The following CELSR1 variants were observed in gnomAD, a reference collection of about 807,000 sequenced individuals.
CELSR1 encodes the protein cadherin EGF LAG seven-pass G-type receptor 1.
A neutral mutation model predicts 249.1 loss-of-function variants in CELSR1; 110 were observed. The observed-to-expected ratio is 0.44, with a 90% CI of 0.38 to 0.52. The LOEUF (loss-of-function observed/expected upper bound fraction) is 0.52. Among genes scored for constraint, CELSR1 ranks in the 20% least tolerant of loss-of-function variants. The pLI is 0.00. For synonymous variants in CELSR1, 2,113 were observed against 1,900.0 expected (o/e 1.11, Z -2.92); for missense variants, 4,109 against 4,296.4 (o/e 0.96, Z 1.22).
rs867502002 is a variant in CELSR1, at chr22:46,437,867, C to T, written c.4406+1322G>A. Among the ~76,000 whole-genome samples the T allele has an allele frequency of 6.6e-6, 1 of 152,264 alleles. No individual in the cohort carries two copies. Among genetic ancestry groups the T allele is most frequent in the South Asian group, 2.1e-4 (1 of 4,824 alleles). On this transcript the variant is annotated intron_variant, in intron 3 of 34. Coordinates refer to ENST00000674500, the MANE Select transcript of CELSR1 (RefSeq NM_001378328.1). This position sits in a 1 kb window ranked among gnomAD's most constrained non-coding sequence, Gnocchi z 4.9. ...AGAATACCCACACAGCACACTGATG[C>T]TTGGGCAGGGAATGAGCAGGGAGAA...
intron 2 of CELSR1, among the ~76,000 whole-genome samples, chr22:46,456,661 T>TAAAAA (rs556357746): frequency 2.0e-4 from 12 of 60,280 alleles, no homozygotes; most frequent in African/African-American, 6.4e-4. Context: ...AGACTCTGTC[T>TAAAAA]AAAAAAAAAA....
At chr22:46,419,924 C>T (rs763161966) in intron 5 of CELSR1, among the ~76,000 whole-genome samples, 3 of 152,054 alleles carry the variant, frequency 2.0e-5, no homozygotes, top group Middle Eastern at 3.4e-3. Context: ...TACGCTCACA[C>T]GTACACTTAC....
chr22:46,444,683 C>A (rs1194777306), intron 2 of CELSR1, among the ~76,000 whole-genome samples: 1 of 152,160 alleles, frequency 6.6e-6, no homozygotes, highest in Non-Finnish European at 1.5e-5. Flanking sequence ...ACAGATGACC[C>A]CAAACTGGAG....
Position 46,534,005 on chromosome 22 carries a change from G to C in CELSR1, c.3166C>G (p.Leu1056Val). 6.2e-7 allele frequency: 1 copy of C among 1,613,672 alleles called. No individual in the cohort carries two copies. Reference sequence around the variant, plus strand: ...AAGTCCAGCTCCACCATGGCACGCAGGTCCCCGTTGAGCAGGTCCAGCTGG... The same window carrying C: ...AAGTCCAGCTCCACCATGGCACGCACGTCCCCGTTGAGCAGGTCCAGCTGG... ...FFQLDLLNGD[L>V]RAMVELDFEV... is the part of the protein sequence containing the mutation. Residue 1056 changes from leucine to valine, a missense_variant, in exon 1 of 35, where the codon CTG (leucine) becomes GTG (valine). This residue lies in a region of CELSR1 where 886 missense variants were observed against 896.5 expected (regional missense o/e 0.99). Coordinates refer to ENST00000674500, the MANE Select transcript of CELSR1 (RefSeq NM_001378328.1). This position sits in a 1 kb window ranked among gnomAD's most constrained non-coding sequence, Gnocchi z 9.7.
chr22:46,465,005 C>A (rs1002047735), intron 1 of CELSR1, among the ~76,000 whole-genome samples: 1 of 152,222 alleles, frequency 6.6e-6, no homozygotes, highest in Non-Finnish European at 1.5e-5. Flanking sequence ...ACACAGCAGC[C>A]TCTCAGCCAG....
chr22:46,396,399 C>T lies in CELSR1; in HGVS notation c.5843+206G>A, dbSNP rs2079147621. On this transcript the variant is annotated intron_variant, in intron 13 of 34. Transcript: ENST00000674500. This position sits in a 1 kb window ranked among gnomAD's most constrained non-coding sequence, Gnocchi z 6.4. ...CTCCAGCCTGGGTGACAGAGCAAGACTCTGTCTCAAAAAAATAAAAATAAA... is the reference window on the plus strand; with the variant it reads ...CTCCAGCCTGGGTGACAGAGCAAGATTCTGTCTCAAAAAAATAAAAATAAA... 2.6e-5 allele frequency among the ~76,000 whole-genome samples: 4 copies of T among 151,888 alleles called. No homozygotes were observed. Among genetic ancestry groups the T allele is most frequent in the African/African-American group, 9.7e-5 (4 of 41,304 alleles).
At chr22:46,376,351 G>A (rs1411388227) in intron 24 of CELSR1, among the ~76,000 whole-genome samples, 5 of 152,270 alleles carry the variant, frequency 3.3e-5, no homozygotes, top group African/African-American at 4.8e-5. Flanking sequence ...ACGGTGAGAG[G>A]ACTATTTAGT....
At chr22:46,459,470 G>T (rs921502740) in intron 2 of CELSR1, among the ~76,000 whole-genome samples, 2 of 152,186 alleles carry the variant, frequency 1.3e-5, no homozygotes, top group East Asian at 1.9e-4. Context: ...GATGCAAGAG[G>T]AAGGATCTAA....
At chr22:46,467,812 A>G (rs2080113354) in intron 1 of CELSR1, among the ~76,000 whole-genome samples, 1 of 151,538 alleles carries the variant, frequency 6.6e-6, no homozygotes, top group Non-Finnish European at 1.5e-5. Context: ...ACAGAGTGAG[A>G]CTCCATCTCA....
chr22:46,378,844 G>A (rs566565056), intron 22 of CELSR1, 127 bp from the exon 23 acceptor site: 10 of 1,250,766 alleles, frequency 8.0e-6, no homozygotes, highest in African/African-American at 4.5e-5. Context: ...AGCAGGTGCC[G>A]TGAGTGCTGA....
intron 1 of CELSR1, among the ~76,000 whole-genome samples, chr22:46,466,048 C>T (rs775322186): frequency 2.6e-5 from 4 of 152,136 alleles, no homozygotes; most frequent in African/African-American, 7.2e-5. Flanking sequence ...CAGAGCCCTT[C>T]GAGGCTACTC....
intron 1 of CELSR1, among the ~76,000 whole-genome samples, chr22:46,475,486 G>A (rs1209202615): frequency 6.6e-6 from 1 of 152,064 alleles, no homozygotes; most frequent in Non-Finnish European, 1.5e-5. Context: ...TGGGGAGGTG[G>A]CATTGAATTG....
At chr22:46,522,162 G>T (rs770550510) in intron 1 of CELSR1, among the ~76,000 whole-genome samples, 4 of 152,148 alleles carry the variant, frequency 2.6e-5, no homozygotes, top group Non-Finnish European at 4.4e-5. Flanking sequence ...GTCTTACTCT[G>T]TTGTGCAGTC....
intron 2 of CELSR1, among the ~76,000 whole-genome samples, chr22:46,453,673 A>C (rs139711850): frequency 1.2e-3 from 184 of 152,262 alleles, no homozygotes; most frequent in African/African-American, 4.0e-3. Context: ...AGAGCAGAGA[A>C]CACTCGCCCC....
In CELSR1 at chr22:46,410,598, G is replaced by A. The variant is rs200687759; in HGVS notation, c.4770-37C>T. 1.8e-4 allele frequency: 289 copies of A among 1,600,994 alleles called. No individual in the cohort carries two copies. Among genetic ancestry groups the A allele is most frequent in the South Asian group, 2.0e-4 (18 of 90,896 alleles). On this transcript the variant is annotated intron_variant, in intron 6 of 34. Transcript: ENST00000674500. This position sits in a 1 kb window ranked among gnomAD's most constrained non-coding sequence, Gnocchi z 6.8. The stretch of plus-strand genomic sequence containing the variant: ...AAGCCATCTTCTGTGACGTCAGGGC[G>A]GGGAGAGGCGGCCACGGCGGGCTGG...
chr22:46,394,326 G>A (rs1456566379), intron 13 of CELSR1, 64 bp from the exon 14 acceptor site: 2 of 1,547,100 alleles, frequency 1.3e-6, no homozygotes, highest in Non-Finnish European at 1.7e-6. Context: ...AATGAGAAGA[G>A]GCCTGCAGGC....
chr22:46,423,474 G>A lies in CELSR1; in HGVS notation c.4611+9919C>T, dbSNP rs1198749135. Reference sequence around the variant, plus strand: ...TACAAAATTAGCCGGGCGTGGTGGTGCAGGCCTGTAATCCCACCTACTCGG... The same window carrying A: ...TACAAAATTAGCCGGGCGTGGTGGTACAGGCCTGTAATCCCACCTACTCGG... On this transcript the variant is annotated intron_variant, in intron 5 of 34. Coordinates refer to ENST00000674500, the MANE Select transcript of CELSR1 (RefSeq NM_001378328.1). This position sits in a 1 kb window ranked among gnomAD's most constrained non-coding sequence, Gnocchi z 5.6. Among the ~76,000 whole-genome samples, 4 of 152,014 alleles carry A rather than the reference G, an allele frequency of 2.6e-5. No individual in the cohort carries two copies. The highest frequency in any genetic ancestry group is 3.9e-4 in the East Asian group (2 of 5,168).
chr22:46,363,261 G>A lies in CELSR1; in HGVS notation c.9036-14C>T. The stretch of plus-strand genomic sequence containing the variant: ...TCATTACTGCCTCTGCGCGTGGGAA[G>A]AAGCCAGCAAGCAGGTGAAGGGTCA... On this transcript the variant is annotated splice_polypyrimidine_tract_variant and intron_variant, in intron 34 of 34. Coordinates refer to ENST00000674500, the MANE Select transcript of CELSR1 (RefSeq NM_001378328.1). The surrounding 1 kb of genome is among the most constrained non-coding windows in gnomAD (Gnocchi z 4.3). The A allele has an allele frequency of 6.2e-7, 1 of 1,610,262 alleles. No individual in the cohort carries two copies. Among genetic ancestry groups the A allele is most frequent in the Non-Finnish European group, 8.5e-7 (1 of 1,177,362 alleles).
At chr22:46,462,655 A>T (rs2147579754) in intron 2 of CELSR1, 1 of 208,502 alleles carries the variant, frequency 4.8e-6, no homozygotes, top group African/African-American at 2.4e-5. Flanking sequence ...CAAAAAAAAA[A>T]AAAAAAAGAC....
Sources: gnomAD v4.1 joint callset for allele counts (sites outside exome capture counted in the v4.1 genomes callset) on GRCh38, gnomAD v4.1.1 for gene constraint, gnomAD v4.1.1 regional missense constraint, Gnocchi (gnomAD v3.1) non-coding constraint, MANE v1.5 for transcripts, NCBI Gene and HGNC (gene_info 2026-07-23, HGNC 2026-07-21) for gene names.